The following OPRM1 variants were observed in gnomAD, a reference collection of about 807,000 sequenced individuals.
The protein encoded by OPRM1 is opioid receptor mu 1, also known as mu-type opioid receptor.
A neutral mutation model predicts 31.8 loss-of-function variants in OPRM1; 27 were observed. The observed-to-expected ratio is 0.85, with a 90% CI of 0.63 to 1.17. The LOEUF is 1.17. Among genes scored for constraint, OPRM1 ranks in the 50% most tolerant of loss-of-function variants. OPRM1 has a pLI of 0.00. For synonymous variants in OPRM1, 196 were observed against 189.9 expected, an observed-to-expected ratio of 1.03 and a Z score of -0.26; for missense variants, 536 against 511.1, an observed-to-expected ratio of 1.05 and a Z score of -0.47.
intron 3 of OPRM1, among the ~76,000 whole-genome samples, chr6:154,152,294 G>C (rs1312532651): frequency 2.7e-5 from 2 of 72,860 alleles, no homozygotes; most frequent in African/African-American, 5.4e-5. Context: ...AAAAGGAAGA[G>C]AGAAGAAAGA....
chr6:154,083,178 A>G (rs3778156), intron 1 of OPRM1, among the ~76,000 whole-genome samples: 24,543 of 152,190 alleles, frequency 0.16, 2,070 homozygotes, highest in African/African-American at 0.18. Flanking sequence ...TACCCAGAGG[A>G]GTAGTGCAAT....
chr6:154,045,638 C>T (rs541919056), intron 1 of OPRM1, among the ~76,000 whole-genome samples: 2 of 152,342 alleles, frequency 1.3e-5, no homozygotes, highest in Middle Eastern at 6.8e-3. Flanking sequence ...TTCACCTCGC[C>T]TTCTACCTCA....
chr6:154,106,506 A>G (rs1434302293), intron 3 of OPRM1, among the ~76,000 whole-genome samples: 4 of 152,184 alleles, frequency 2.6e-5, no homozygotes, highest in Non-Finnish European at 4.4e-5. Flanking sequence ...GCATTTTATG[A>G]AGCATTTAGG....
At chr6:154,056,418 G>A (rs564207009) in intron 1 of OPRM1, among the ~76,000 whole-genome samples, 26 of 151,792 alleles carry the variant, frequency 1.7e-4, no homozygotes, top group Admixed American at 9.8e-4. Context: ...CAACGCGCCC[G>A]GCCTGATGGA....
At chr6:154,195,389 C>T (rs548821627) in intron 3 of OPRM1, among the ~76,000 whole-genome samples, 5 of 152,128 alleles carry the variant, frequency 3.3e-5, no homozygotes, top group Non-Finnish European at 7.4e-5. Flanking sequence ...CCTTGTGATC[C>T]GCCCACCTCG....
intron 3 of OPRM1, among the ~76,000 whole-genome samples, chr6:154,215,545 G>A (rs1171891793): frequency 6.6e-6 from 1 of 152,090 alleles, no homozygotes; most frequent in Admixed American, 6.5e-5. Flanking sequence ...GGTGGAGGTT[G>A]CAATGAGCCG....
Position 154,238,623 on chromosome 6 carries a change from C to T in OPRM1, c.1165-8070C>T, listed in dbSNP as rs564675505. 5.3e-5 allele frequency among the ~76,000 whole-genome samples: 8 copies of T among 152,180 alleles called. No individual in the cohort carries two copies. In the East Asian group the frequency reaches 1.5e-3, roughly 29 times the overall value. On this transcript the variant is annotated intron_variant, in intron 3 of 3. Transcript: ENST00000337049. ...TCTGTGTGTTTGCTTCCATGTCTGT[C>T]TTCTTTTTTTATTTCGCTTACTTCT...
At chr6:154,068,161 G>C (rs536924028) in intron 1 of OPRM1, among the ~76,000 whole-genome samples, 62 of 152,160 alleles carry the variant, frequency 4.1e-4, no homozygotes, top group African/African-American at 1.5e-3. Context: ...TGTACCACAT[G>C]ATATTTTGAA....
intron 3 of OPRM1, among the ~76,000 whole-genome samples, chr6:154,180,590 C>T (rs1264216130): frequency 6.6e-6 from 1 of 151,888 alleles, no homozygotes; most frequent in Non-Finnish European, 1.5e-5. Flanking sequence ...ACAGGCATGC[C>T]CCAGTAGGCC....
intron 1 of OPRM1, among the ~76,000 whole-genome samples, chr6:154,074,780 A>T (rs1053344040): frequency 6.6e-6 from 1 of 151,924 alleles, no homozygotes; most frequent in Non-Finnish European, 1.5e-5. Context: ...AAGAAAAACA[A>T]ACAGAAAAAA....
At chr6:154,220,390 G>C (rs1778768552) in intron 3 of OPRM1, among the ~76,000 whole-genome samples, 1 of 152,166 alleles carries the variant, frequency 6.6e-6, no homozygotes, top group South Asian at 2.1e-4. Context: ...AGGTGCGGTG[G>C]CTTACGCCTT....
intron 3 of OPRM1, among the ~76,000 whole-genome samples, chr6:154,199,262 AG>A (rs1374919733): frequency 6.6e-6 from 1 of 152,232 alleles, no homozygotes; most frequent in East Asian, 1.9e-4. Flanking sequence ...GCCCAGAGAA[AG>A]TGGCTGATCT....
At chr6:154,035,226 C>T (rs1014871065), upstream of OPRM1, among the ~76,000 whole-genome samples, 6 of 151,616 alleles carry the variant, frequency 4.0e-5, no homozygotes, top group Non-Finnish European at 7.4e-5. Flanking sequence ...ATCAAAAGTC[C>T]GGGGCTTTCA....
chr6:154,210,046 T>C (rs1458610431), intron 3 of OPRM1, among the ~76,000 whole-genome samples: 1 of 152,224 alleles, frequency 6.6e-6, no homozygotes, highest in Non-Finnish European at 1.5e-5. Flanking sequence ...AAGTATTCCC[T>C]GAACTTCTAT....
rs1797899300 is a variant in OPRM1, at chr6:154,131,629, T to C, written c.*12908T>C. Among the ~76,000 whole-genome samples, 2 of 152,212 alleles carry C rather than the reference T, an allele frequency of 1.3e-5. No homozygotes were observed. The highest frequency in any genetic ancestry group is 2.9e-5 in the Non-Finnish European group (2 of 68,032). On this transcript the variant is annotated 3_prime_UTR_variant, in exon 4 of 4. Transcript: ENST00000330432. Reference sequence around the variant, plus strand: ...GACATAGAAATGTCAACTGGTCATATTAAAATAAAAAAGTATAGAATAGTT... The same window carrying C: ...GACATAGAAATGTCAACTGGTCATACTAAAATAAAAAAGTATAGAATAGTT...
chr6:154,082,916 G>A lies in OPRM1; in HGVS notation c.291-6910G>A, dbSNP rs138192979. Reference sequence around the variant, plus strand: ...CATCTAGTTATAACTGCTTATATATGTCAGAGAATATAACATAGTAACATT... The same window carrying A: ...CATCTAGTTATAACTGCTTATATATATCAGAGAATATAACATAGTAACATT... On this transcript the variant is annotated intron_variant, in intron 1 of 3. Coordinates refer to ENST00000330432, the MANE Select transcript of OPRM1 (RefSeq NM_000914.5). Among the ~76,000 whole-genome samples the A allele has an allele frequency of 6.3e-3, 962 of 152,192 alleles. 6 individuals carry two copies. The highest frequency in any genetic ancestry group is 0.021 in the African/African-American group (854 of 41,508).
intron 3 of OPRM1, among the ~76,000 whole-genome samples, chr6:154,146,910 G>A (rs995721773): frequency 6.6e-6 from 1 of 152,110 alleles, no homozygotes; most frequent in African/African-American, 2.4e-5. Flanking sequence ...GTGGGGCGTG[G>A]GAAGTAAGCT....
intron 1 of OPRM1, among the ~76,000 whole-genome samples, chr6:154,045,893 G>A (rs1033844103): frequency 2.5e-4 from 38 of 152,136 alleles, no homozygotes; most frequent in Admixed American, 2.4e-3. Context: ...ATTCTGAGGT[G>A]CCAACTACAA....
intron 3 of OPRM1, among the ~76,000 whole-genome samples, chr6:154,099,400 T>TAAAG (rs1238803852): frequency 1.8e-5 from 1 of 56,094 alleles, no homozygotes; most frequent in Non-Finnish European, 3.5e-5. Flanking sequence ...AGAAAGAAAG[T>TAAAG]AAAGAAAGAA....
Sources: gnomAD v4.1 joint callset for allele counts (sites outside exome capture counted in the v4.1 genomes callset) on GRCh38, gnomAD v4.1.1 for gene constraint, MANE v1.5 for transcripts, NCBI Gene and HGNC (gene_info 2026-07-23, HGNC 2026-07-21) for gene names.